Variants in AGAP3 observed in about 807,000 individuals in gnomAD.
The protein encoded by AGAP3 is arf-GAP with GTPase, ANK repeat and PH domain-containing protein 3.
AGAP3 carries 24 observed loss-of-function variants against 96.9 expected under a neutral mutation model. The ratio of observed to expected loss-of-function variants is 0.25; its 90% CI spans 0.18 to 0.35. AGAP3 has a LOEUF of 0.35. Among genes scored for constraint, AGAP3 ranks in the 10% least tolerant of loss-of-function variants. The pLI, the probability that AGAP3 is intolerant of heterozygous loss-of-function variation, is 1.00. For synonymous variants in AGAP3, 563 were observed against 536.1 expected, an observed-to-expected ratio of 1.05 and a Z score of -0.69; for missense variants, 876 against 1,254.2, an observed-to-expected ratio of 0.70 and a Z score of 4.55.
intron 1 of AGAP3, among the ~76,000 whole-genome samples, chr7:151,111,715 C>T (rs1192627233): frequency 6.6e-6 from 1 of 152,214 alleles, no homozygotes; most frequent in Non-Finnish European, 1.5e-5. Flanking sequence ...CCGGCTTCTG[C>T]GCTCTCTGGC....
At chr7:151,109,842 G>A (rs902530346) in intron 1 of AGAP3, among the ~76,000 whole-genome samples, 3 of 152,190 alleles carry the variant, frequency 2.0e-5, no homozygotes, top group East Asian at 1.9e-4. Context: ...TGATCCCAGC[G>A]TCCACTCTGG....
At position 151,120,091 on chromosome 7, in the gene AGAP3, C is replaced by T. The variant is rs1307873151; in HGVS notation, c.1074C>T (p.Ser358=). 1.2e-6 allele frequency: 2 copies of T among 1,613,970 alleles called. No homozygotes were observed. The highest frequency in any genetic ancestry group is 2.7e-5 in the African/African-American group (2 of 75,062). ...TGCGCATCGAGACCATCGCTGCCTC[C>T]TCCACCCCCACACCCATCCGAAAGC... The part of the protein sequence containing the change: ...RELRIETIAA[S]STPTPIRKQS... The change falls in exon 8 of 18, where the codon TCC becomes TCT. Residue 358 remains serine, a synonymous_variant. Transcript: ENST00000397238.
intron 8 of AGAP3, chr7:151,120,514 C>A: frequency 1.3e-6 from 1 of 768,976 alleles, no homozygotes; most frequent in Non-Finnish European, 2.0e-6. Flanking sequence ...CCCTTTGATT[C>A]AACAGCTAAT....
At position 151,139,944 on chromosome 7, in the gene AGAP3, T is replaced by G; in HGVS notation, c.1667-35T>G. 1.3e-6 allele frequency: 2 copies of G among 1,482,078 alleles called. No individual in the cohort carries two copies. Among genetic ancestry groups the G allele is most frequent in the East Asian group, 2.7e-5 (1 of 36,678 alleles). The allele number at this position is 1,482,078 out of a possible 1,614,324, so 91.8% of individuals were successfully genotyped here. ...GCGCCCCTCCCCTCCTCTGCCTCCC[T>G]TCTTCCCACACTTCTCCAACTCTCC... On this transcript the variant is annotated intron_variant, in intron 12 of 17. Transcript: ENST00000397238. This position sits in a 1 kb window ranked among gnomAD's most constrained non-coding sequence, Gnocchi z 4.9.
chr7:151,097,266 C>T (rs1191178726), intron 1 of AGAP3, among the ~76,000 whole-genome samples: 3 of 151,890 alleles, frequency 2.0e-5, no homozygotes, highest in African/African-American at 7.3e-5. Flanking sequence ...CACTGTGGCT[C>T]ACACCTGTAA....
chr7:151,125,880 TCGCCTCCG>T (rs1800138443), intron 9 of AGAP3, among the ~76,000 whole-genome samples: 1 of 152,212 alleles, frequency 6.6e-6, no homozygotes, highest in Non-Finnish European at 1.5e-5. Context: ...CTGGGGGCTG[TCGCCTCCG>T]CGCCTCTGCG....
chr7:151,136,145 G>C (rs1800584723), intron 11 of AGAP3: 1 of 152,350 alleles, frequency 6.6e-6, no homozygotes. Context: ...CGGCCCCCAG[G>C]AGCCCCTTTG....
In AGAP3 at chr7:151,141,960, G is replaced by A; in HGVS notation, c.1867G>A (p.Ala623Thr). Residue 623 changes from alanine (A) to threonine (T), a missense_variant, in exon 14 of 18, where the codon GCT (alanine) becomes ACT (threonine). Physicochemically the swap from Ala to Thr is moderately conservative, Grantham distance 58 (BLOSUM62 0). Around this residue, in one of 8 missense-constraint regions of AGAP3, gnomAD observed 103 missense variants for 183.0 expected, o/e 0.56. Transcript: ENST00000397238. The surrounding 1 kb of genome is among the most constrained non-coding windows in gnomAD (Gnocchi z 4.2). The part of the protein sequence containing the change: ...SLTGQTWHFE[A>T]STAEERELWV... Reference sequence around the variant, plus strand: ...CACTGGGCAGACGTGGCACTTCGAGGCTTCAACGGCGGAGGAGCGGGAGCT... The same window carrying A: ...CACTGGGCAGACGTGGCACTTCGAGACTTCAACGGCGGAGGAGCGGGAGCT... 6.2e-7 allele frequency: 1 copy of A among 1,614,204 alleles called. No individual in the cohort carries two copies. The highest frequency in any genetic ancestry group is 8.5e-7 in the Non-Finnish European group (1 of 1,180,032).
intron 9 of AGAP3, 130 bp downstream of exon 9, chr7:151,124,016 C>A: frequency 1.1e-6 from 1 of 942,116 alleles, no homozygotes; most frequent in Non-Finnish European, 1.6e-6. Flanking sequence ...CCCTCCTAGG[C>A]GGAGTCCTTA....
chr7:151,123,446 C>T (rs949821437), intron 8 of AGAP3: 3 of 1,138,394 alleles, frequency 2.6e-6, no homozygotes, highest in South Asian at 2.5e-5. Flanking sequence ...TCCCGGTTGT[C>T]GCGCCCTGTG....
intron 1 of AGAP3, among the ~76,000 whole-genome samples, chr7:151,110,422 G>A (rs953074992): frequency 3.9e-5 from 6 of 152,166 alleles, no homozygotes; most frequent in African/African-American, 1.2e-4. Flanking sequence ...GCAGAGGCCC[G>A]GGAGGTGTCA....
At chr7:151,129,270 CTG>C (rs1800307632) in intron 10 of AGAP3, among the ~76,000 whole-genome samples, 1 of 152,068 alleles carries the variant, frequency 6.6e-6, no homozygotes, top group African/African-American at 2.4e-5. Context: ...GAATTCATCT[CTG>C]TCACCACCCC....
chr7:151,101,914 CGGG>C (rs1798847811), intron 1 of AGAP3, among the ~76,000 whole-genome samples: 1 of 152,102 alleles, frequency 6.6e-6, no homozygotes, highest in Non-Finnish European at 1.5e-5. Context: ...GGGAGCCATG[CGGG>C]GGTGAGGGCT....
In AGAP3 at chr7:151,140,747, A is replaced by T. The variant is rs1182557367; in HGVS notation, c.1804+631A>T. 1 of 152,160 alleles carries T rather than the reference A, an allele frequency of 6.6e-6. No individual in the cohort carries two copies. The highest frequency in any genetic ancestry group is 2.4e-5 in the African/African-American group (1 of 41,404). The allele number at this position is 152,160 out of a possible 1,614,324, so 9.4% of individuals were successfully genotyped here. Reference sequence around the variant, plus strand: ...AGACGTATGGGTCAGGGGAGCAGAGACACCTAGCCAACCTGTGACACAGTG... The same window carrying T: ...AGACGTATGGGTCAGGGGAGCAGAGTCACCTAGCCAACCTGTGACACAGTG... On this transcript the variant is annotated intron_variant, in intron 13 of 17. Coordinates refer to ENST00000397238, the MANE Select transcript of AGAP3 (RefSeq NM_031946.7). The surrounding 1 kb of genome is among the most constrained non-coding windows in gnomAD (Gnocchi z 5.4).
chr7:151,089,147 G>A (rs1798279658), intron 1 of AGAP3, among the ~76,000 whole-genome samples: 2 of 151,158 alleles, frequency 1.3e-5, no homozygotes, highest in Non-Finnish European at 2.9e-5. Context: ...CTTTTCTGCT[G>A]TAGGCAGTCT....
chr7:151,106,364 A>T (rs1212556919), intron 1 of AGAP3, among the ~76,000 whole-genome samples: 1 of 152,094 alleles, frequency 6.6e-6, no homozygotes, highest in Non-Finnish European at 1.5e-5. Context: ...ACAGGGTCTC[A>T]CTCTGTTGCC....
chr7:151,093,898 A>G (rs1272792849), intron 1 of AGAP3, among the ~76,000 whole-genome samples: 1 of 152,084 alleles, frequency 6.6e-6, no homozygotes, highest in Non-Finnish European at 1.5e-5. Context: ...CCCTGGCGTG[A>G]GTATCTGGAA....
rs1800728565 is a variant in AGAP3, at chr7:151,139,263, A to AG, written c.1667-714dup. Among the ~76,000 whole-genome samples the AG allele has an allele frequency of 1.3e-5, 2 of 152,310 alleles. No homozygotes were observed. Among genetic ancestry groups the AG allele is most frequent in the Non-Finnish European group, 2.9e-5 (2 of 68,012 alleles). Reference sequence around the variant, plus strand: ...CCAGCCTCTGAGCTGCCATGGCCTCAGGAGCACGGGCTGAGGGAGGAGCTG... The same window carrying AG: ...CCAGCCTCTGAGCTGCCATGGCCTCAGGGAGCACGGGCTGAGGGAGGAGCTG... On this transcript the variant is annotated intron_variant, in intron 12 of 17. Transcript: ENST00000397238. This position sits in a 1 kb window ranked among gnomAD's most constrained non-coding sequence, Gnocchi z 4.9.
At chr7:151,137,566 C>T (rs959074457) in intron 11 of AGAP3, among the ~76,000 whole-genome samples, 21 of 152,084 alleles carry the variant, frequency 1.4e-4, no homozygotes, top group Admixed American at 1.4e-3. Flanking sequence ...TGCCGGCCGC[C>T]GCGCCTGCCC....
Sources: allele counts gnomAD v4.1 joint callset (sites outside exome capture counted in the v4.1 genomes callset), GRCh38; gene constraint gnomAD v4.1.1; regional missense constraint gnomAD v4.1.1; non-coding constraint Gnocchi (gnomAD v3.1); transcripts MANE v1.5; gene names NCBI Gene and HGNC (gene_info 2026-07-23, HGNC 2026-07-21).